Variants in ADAM18 observed in about 807,000 individuals in gnomAD.
ADAM18 encodes the protein disintegrin and metalloproteinase domain-containing protein 18.
Under a neutral mutation model 94.4 loss-of-function variants are expected in ADAM18, and 117 were observed. That is an observed-to-expected ratio of 1.24 (90% CI 1.07 to 1.45). The LOEUF is 1.45. ADAM18 is among the 40% of genes most tolerant of loss of function. The pLI, the probability that ADAM18 is intolerant of heterozygous loss-of-function variation, is 0.00. For missense variants in ADAM18, 936 were observed against 880.0 expected, an observed-to-expected ratio of 1.06 and a Z score of -0.81; for synonymous variants, 327 against 291.6, an observed-to-expected ratio of 1.12 and a Z score of -1.24.
At position 39,730,054 on chromosome 8, in the gene ADAM18, C is replaced by G. The variant is rs1461775855; in HGVS notation, c.*114C>G. The G allele has an allele frequency of 8.7e-6, 9 of 1,031,388 alleles. No homozygotes were observed. The highest frequency in any genetic ancestry group is 1.3e-5 in the Non-Finnish European group (9 of 671,858). The allele number at this position is 1,031,388 out of a possible 1,614,324, so 63.9% of individuals were successfully genotyped here. ...TCAAACTTTTGGAAAATAAAGCCTG[C>G]GTGCCCTCCCATGTGCCTCCTCCAG... On this transcript the variant is annotated 3_prime_UTR_variant, in exon 20 of 20. Coordinates refer to ENST00000265707, the MANE Select transcript of ADAM18 (RefSeq NM_014237.3).
chr8:39,724,735 G>A (rs899281536), intron 19 of ADAM18, among the ~76,000 whole-genome samples: 11 of 151,572 alleles, frequency 7.3e-5, no homozygotes, highest in Admixed American at 2.0e-4. Flanking sequence ...CATTCTATAC[G>A]TTTTGATAGC....
intron 18 of ADAM18, among the ~76,000 whole-genome samples, chr8:39,712,645 A>C (rs1244341566): frequency 2.0e-5 from 3 of 152,190 alleles, no homozygotes; most frequent in Non-Finnish European, 4.4e-5. Flanking sequence ...CCTATACAAT[A>C]ACAGACAAAC....
intron 17 of ADAM18, 114 bp downstream of exon 17, chr8:39,692,794 TAAAGA>T: frequency 1.5e-6 from 1 of 662,118 alleles, no homozygotes; most frequent in Non-Finnish European, 2.4e-6. Context: ...TAGACTAATA[TAAAGA>T]AAATTAACTG....
chr8:39,721,422 T>G (rs1822744027), intron 18 of ADAM18, among the ~76,000 whole-genome samples: 1 of 151,444 alleles, frequency 6.6e-6, no homozygotes, highest in Non-Finnish European at 1.5e-5. Context: ...GGCTTCTTAA[T>G]TAACCTAAAA....
In ADAM18 at chr8:39,636,042, G is replaced by GA. The variant is rs1563284736; in HGVS notation, c.589-1222_589-1221insA. Among the ~76,000 whole-genome samples, 93 of 143,664 alleles carry GA rather than the reference G, an allele frequency of 6.5e-4. 1 individual carries two copies. The highest frequency in any genetic ancestry group is 4.5e-3 in the East Asian group (22 of 4,940). 94.2% of individuals were successfully genotyped at this position (143,664 alleles called of 152,430 possible). On this transcript the variant is annotated intron_variant, in intron 7 of 19. Transcript: ENST00000265707. The stretch of plus-strand genomic sequence containing the variant: ...TTTTTTGAGAGAGAGAGAGAGAGAG[G>GA]GGGCCTCACTCTCTCATGCAGCCTG...
At position 39,721,125 on chromosome 8, in the gene ADAM18, G is replaced by T. The variant is rs542841282; in HGVS notation, c.2018-2623G>T. On this transcript the variant is annotated intron_variant, in intron 18 of 19. Transcript: ENST00000265707. The stretch of plus-strand genomic sequence containing the variant: ...AACAAAGTCAGAAAACAATGTGCAT[G>T]CAGTATAATTCCATTTATATAACAT... 5.9e-5 allele frequency among the ~76,000 whole-genome samples: 9 copies of T among 151,544 alleles called. No individual in the cohort carries two copies. The South Asian group carries it at 1.0e-3, about 17-fold the overall frequency.
intron 18 of ADAM18, among the ~76,000 whole-genome samples, chr8:39,712,040 C>CT: frequency 6.9e-6 from 1 of 145,254 alleles, no homozygotes; most frequent in South Asian, 2.3e-4. Context: ...AGGCCCCCCC[C>CT]CGAGAAAAAA....
intron 13 of ADAM18, 24 bp from the exon 14 acceptor site, chr8:39,667,974 T>A: frequency 6.2e-7 from 1 of 1,603,582 alleles, no homozygotes; most frequent in Non-Finnish European, 8.5e-7. Context: ...CAGAACTTAA[T>A]TTTATTTTTC....
intron 3 of ADAM18, among the ~76,000 whole-genome samples, chr8:39,607,012 G>GTA (rs1425922925): frequency 6.6e-6 from 1 of 151,942 alleles, no homozygotes. Context: ...CCATCTGGAT[G>GTA]TATACGACAA....
At chr8:39,643,290 C>A (rs1047734439) in intron 10 of ADAM18, among the ~76,000 whole-genome samples, 1 of 152,050 alleles carries the variant, frequency 6.6e-6, no homozygotes, top group African/African-American at 2.4e-5. Flanking sequence ...CTTGCTAGAA[C>A]TTTTAATAGT....
At chr8:39,719,652 C>T (rs1482116693) in intron 18 of ADAM18, among the ~76,000 whole-genome samples, 1 of 151,274 alleles carries the variant, frequency 6.6e-6, no homozygotes, top group African/African-American at 2.4e-5. Context: ...GCAAAATAAG[C>T]ACATGTAAAG....
chr8:39,680,160 C>G lies in ADAM18; in HGVS notation c.1755C>G (p.Ser585=). 3.1e-6 allele frequency: 5 copies of G among 1,613,832 alleles called. No individual in the cohort carries two copies. The highest frequency in any genetic ancestry group is 4.2e-6 in the Non-Finnish European group (5 of 1,179,872). The change falls in exon 16 of 20, where the codon TCC becomes TCG. Residue 585 remains serine (S), a synonymous_variant. Transcript: ENST00000265707. ...DHVCVSIATG[S]SMRSDGTDNA... is the part of the protein sequence containing the mutation. ...TATGTGTATCTATAGCCACTGGTTC[C>G]TCCATGAGATCAGATGGAACAGACA...
chr8:39,698,913 A>G (rs1052193363), intron 17 of ADAM18, among the ~76,000 whole-genome samples: 1 of 152,096 alleles, frequency 6.6e-6, no homozygotes, highest in Admixed American at 6.6e-5. Context: ...AGAAACTCTA[A>G]GAATTACAGC....
intron 4 of ADAM18, 82 bp downstream of exon 4, chr8:39,609,202 C>T (rs1793588202): frequency 4.0e-6 from 4 of 999,498 alleles, no homozygotes; most frequent in Non-Finnish European, 3.0e-6. Flanking sequence ...CAGTTTAATA[C>T]AAATGTTTTA....
At position 39,723,801 on chromosome 8, in the gene ADAM18, C is replaced by T; in HGVS notation, c.2071C>T (p.Leu691=). 1 of 1,587,272 alleles carries T rather than the reference C, an allele frequency of 6.3e-7. No homozygotes were observed. Among genetic ancestry groups the T allele is most frequent in the Non-Finnish European group, 8.6e-7 (1 of 1,167,166 alleles). Residue 691 remains leucine (L), a synonymous_variant, in exon 19 of 20, where the codon CTG becomes TTG. Coordinates refer to ENST00000265707, the MANE Select transcript of ADAM18 (RefSeq NM_014237.3). ...YNTHWNNWFI[L]SFCIFLPFFI... is the part of the protein sequence containing the mutation. ...TACACACTGGAACAACTGGTTTATTCTGAGTTTCTGCATTTTTCTGCCGTT... is the reference window on the plus strand; with the variant it reads ...TACACACTGGAACAACTGGTTTATTTTGAGTTTCTGCATTTTTCTGCCGTT...
chr8:39,594,793 G>GTTTTTTTTTTTTTTTTTTT (rs71237182), intron 2 of ADAM18, among the ~76,000 whole-genome samples: 3 of 46,846 alleles, frequency 6.4e-5, no homozygotes, highest in African/African-American at 8.2e-5. Flanking sequence ...TTTGCTGTGA[G>GTTTTTTTTTTTTTTTTTTT]TTTTTTTTTT....
At chr8:39,685,813 C>A (rs936824416) in intron 16 of ADAM18, among the ~76,000 whole-genome samples, 1 of 152,194 alleles carries the variant, frequency 6.6e-6, no homozygotes, top group African/African-American at 2.4e-5. Context: ...TAACATATTT[C>A]TTCTTCTGTG....
chr8:39,666,497 T>C (rs1820995832), intron 13 of ADAM18, among the ~76,000 whole-genome samples: 1 of 152,192 alleles, frequency 6.6e-6, no homozygotes, highest in Admixed American at 6.5e-5. Context: ...TGTTTCATTA[T>C]TGAATATTGT....
intron 18 of ADAM18, among the ~76,000 whole-genome samples, chr8:39,710,069 T>C (rs902945789): frequency 1.3e-5 from 2 of 152,188 alleles, no homozygotes; most frequent in African/African-American, 4.8e-5. Context: ...GTTTAGCTAA[T>C]CAAAGTAACT....
Sources: gnomAD v4.1 joint callset for allele counts (sites outside exome capture counted in the v4.1 genomes callset) on GRCh38, gnomAD v4.1.1 for gene constraint, MANE v1.5 for transcripts, NCBI Gene and HGNC (gene_info 2026-07-23, HGNC 2026-07-21) for gene names.